HHIP: variants seen among roughly 807,000 people sequenced by gnomAD.
HHIP encodes hedgehog interacting protein, also known as hedgehog-interacting protein.
Under a neutral mutation model 74.0 loss-of-function variants are expected in HHIP, and 12 were observed. The observed-to-expected ratio is 0.16, with a 90% CI of 0.10 to 0.26. The LOEUF is 0.26. HHIP is among the 10% of genes least tolerant of loss of function. The pLI is 1.00. For missense variants in HHIP, 788 were observed against 845.0 expected, an observed-to-expected ratio of 0.93 and a Z score of 0.84; for synonymous variants, 309 against 311.6, an observed-to-expected ratio of 0.99 and a Z score of 0.09.
chr4:144,718,561 G>T (rs1439954593), intron 10 of HHIP, among the ~76,000 whole-genome samples: 1 of 152,200 alleles, frequency 6.6e-6, no homozygotes, highest in Non-Finnish European at 1.5e-5. Context: ...ACTGTGGCTG[G>T]TACGTTGAGA....
chr4:144,660,949 TA>T (rs1728696620), intron 4 of HHIP, among the ~76,000 whole-genome samples: 1 of 152,216 alleles, frequency 6.6e-6, no homozygotes, highest in African/African-American at 2.4e-5. Flanking sequence ...TATTTGAGAA[TA>T]ATACTAATTA....
intron 1 of HHIP, among the ~76,000 whole-genome samples, chr4:144,649,217 C>A (rs998489335): frequency 6.7e-6 from 1 of 149,602 alleles, no homozygotes; most frequent in African/African-American, 2.4e-5. Flanking sequence ...TTGAAAGGGC[C>A]CTTTTTTGTT....
At chr4:144,687,386 C>T (rs1729520745) in intron 4 of HHIP, among the ~76,000 whole-genome samples, 1 of 152,140 alleles carries the variant, frequency 6.6e-6, no homozygotes, top group African/African-American at 2.4e-5. Context: ...TTAATGCAGC[C>T]ATTCCTCTAC....
chr4:144,691,415 A>C (rs1729660440), intron 4 of HHIP, among the ~76,000 whole-genome samples: 1 of 152,238 alleles, frequency 6.6e-6, no homozygotes, highest in Non-Finnish European at 1.5e-5. Flanking sequence ...GCAATATTTA[A>C]GAAAGAGAAG....
At chr4:144,689,991 A>G (rs1249951809) in intron 4 of HHIP, among the ~76,000 whole-genome samples, 2 of 152,034 alleles carry the variant, frequency 1.3e-5, no homozygotes, top group African/African-American at 4.8e-5. Flanking sequence ...GTATTTTTAT[A>G]GAGACAGGGT....
chr4:144,735,111 A>G (rs1164801714), intron 12 of HHIP, among the ~76,000 whole-genome samples: 1 of 152,246 alleles, frequency 6.6e-6, no homozygotes, highest in East Asian at 1.9e-4. Flanking sequence ...ATAAATATAC[A>G]AAACCTTTAA....
rs749306881 is a variant in HHIP, at chr4:144,659,715, G to C, written c.708G>C (p.Gly236=). 18 of 1,609,396 alleles carry C rather than the reference G, an allele frequency of 1.1e-5. No individual in the cohort carries two copies. Among genetic ancestry groups the C allele is most frequent in the Non-Finnish European group, 5.1e-6 (6 of 1,178,418 alleles). The change falls in exon 4 of 13, where the codon GGG becomes GGC. Residue 236 remains glycine, a synonymous_variant. Transcript: ENST00000296575. ...LRQPVGALHS[G]DGSQRLFILE... is the part of the protein sequence containing the mutation. ...AGCCCGTTGGTGCCCTGCATAGTGG[G>C]GATGGCTCGCAACGTCTCTTCATTC...
In HHIP at chr4:144,744,986, A is replaced by G. The variant is rs1367520135; in HGVS notation, c.*7029A>G. On this transcript the variant is annotated 3_prime_UTR_variant, in exon 13 of 13. Coordinates refer to ENST00000296575, the MANE Select transcript of HHIP (RefSeq NM_022475.3). ...CAAACACTACATATGTATACACACT[A>G]TCTATGTAAAATATAATATATGTAT... 1.3e-5 allele frequency: 2 copies of G among 152,200 alleles called. No individual in the cohort carries two copies. Among genetic ancestry groups the G allele is most frequent in the East Asian group, 1.9e-4 (1 of 5,198 alleles). The allele number at this position is 152,200 out of a possible 1,614,324, so 9.4% of individuals were successfully genotyped here.
intron 4 of HHIP, among the ~76,000 whole-genome samples, chr4:144,692,843 G>A (rs1033890772): frequency 1.3e-5 from 2 of 151,896 alleles, no homozygotes; most frequent in Middle Eastern, 3.2e-3. Flanking sequence ...TGGTAAAACC[G>A]AGACACAGAG....
intron 7 of HHIP, among the ~76,000 whole-genome samples, chr4:144,711,506 C>T (rs559563354): frequency 6.6e-6 from 1 of 152,164 alleles, no homozygotes; most frequent in African/African-American, 2.4e-5. Flanking sequence ...CGCCCCCCAA[C>T]AGGCCCCAGT....
intron 8 of HHIP, among the ~76,000 whole-genome samples, chr4:144,713,623 A>G (rs1012477429): frequency 1.3e-5 from 2 of 152,186 alleles, no homozygotes; most frequent in Non-Finnish European, 2.9e-5. Flanking sequence ...ACATGTAATC[A>G]GGAGTTATTG....
intron 4 of HHIP, among the ~76,000 whole-genome samples, chr4:144,666,248 CGTGTGTGTGT>C (rs5862718): frequency 0.31 from 43,698 of 143,194 alleles, 7,327 homozygotes; most frequent in East Asian, 0.5. Context: ...ATACTACAGT[CGTGTGTGTGT>C]GTGTGTGTGT....
intron 1 of HHIP, among the ~76,000 whole-genome samples, chr4:144,649,269 C>G (rs1728356118): frequency 6.6e-6 from 1 of 151,718 alleles, no homozygotes; most frequent in African/African-American, 2.4e-5. Flanking sequence ...ATTTCTGCAG[C>G]TTTTCAAGAA....
At chr4:144,708,877 T>C (rs1730217584) in intron 7 of HHIP, among the ~76,000 whole-genome samples, 2 of 152,192 alleles carry the variant, frequency 1.3e-5, no homozygotes, top group Non-Finnish European at 2.9e-5. Context: ...AATATTAACT[T>C]TTATTTCACT....
chr4:144,710,137 CAT>C (rs1730252733), intron 7 of HHIP, among the ~76,000 whole-genome samples: 1 of 152,194 alleles, frequency 6.6e-6, no homozygotes, highest in Non-Finnish European at 1.5e-5. Flanking sequence ...CAGCCAGAGC[CAT>C]AGCTCCAAGC....
intron 4 of HHIP, among the ~76,000 whole-genome samples, chr4:144,701,450 C>T (rs1033072542): frequency 4.6e-5 from 7 of 151,744 alleles, no homozygotes; most frequent in African/African-American, 1.7e-4. Flanking sequence ...TGACCATGCA[C>T]ATTTCTAACA....
rs187509232 is a variant in HHIP at position 144,682,120 on chromosome 4, T to C, written c.831+22282T>C. Among the ~76,000 whole-genome samples, 125 of 152,344 alleles carry C rather than the reference T, an allele frequency of 8.2e-4. 1 individual carries two copies. Among genetic ancestry groups the C allele is most frequent in the South Asian group, 5.6e-3 (27 of 4,832 alleles). On this transcript the variant is annotated intron_variant, in intron 4 of 12. Coordinates refer to ENST00000296575, the MANE Select transcript of HHIP (RefSeq NM_022475.3). ...CCAGAACGTTCATGTTTCTGAGTGA[T>C]AGTGATTAGAACAGCAGATTAGAAA... is the stretch of plus-strand genomic sequence containing the variant.
At chr4:144,656,055 A>T (rs1479673250) in intron 2 of HHIP, among the ~76,000 whole-genome samples, 4 of 152,206 alleles carry the variant, frequency 2.6e-5, no homozygotes, top group African/African-American at 7.2e-5. Context: ...AGTGAGCTAA[A>T]CATGCACTTT....
At chr4:144,647,603 C>T (rs138031722) in intron 1 of HHIP, among the ~76,000 whole-genome samples, 97 of 152,300 alleles carry the variant, frequency 6.4e-4, no homozygotes, top group African/African-American at 2.1e-3. Flanking sequence ...TAAATTCAGA[C>T]TTTCAGGGTC....
Sources: allele counts gnomAD v4.1 joint callset (sites outside exome capture counted in the v4.1 genomes callset), GRCh38; gene constraint gnomAD v4.1.1; transcripts MANE v1.5; gene names NCBI Gene and HGNC (gene_info 2026-07-23, HGNC 2026-07-21).